Variants in TTC19 observed in about 807,000 individuals in gnomAD.
TTC19 encodes tetratricopeptide repeat protein 19, mitochondrial.
In TTC19, 38 loss-of-function variants were observed where a neutral mutation model predicts 49.5. The ratio of observed to expected loss-of-function variants is 0.77; its 90% CI spans 0.59 to 1.01. The LOEUF (loss-of-function observed/expected upper bound fraction) is 1.01, where lower values mean the gene tolerates loss of function less well. TTC19 is among the 50% of genes least tolerant of loss of function. The pLI is 0.00. For synonymous variants in TTC19, 204 were observed against 185.2 expected (o/e 1.10, Z -0.83); for missense variants, 475 against 477.7 (o/e 0.99, Z 0.05).
At chr17:16,021,125 C>T (rs1418968574) in intron 7 of TTC19, among the ~76,000 whole-genome samples, 4 of 152,138 alleles carry the variant, frequency 2.6e-5, no homozygotes, top group African/African-American at 7.2e-5. Flanking sequence ...CAGTGGCTCA[C>T]GCCTGTAATC....
In TTC19 at chr17:16,011,204, G is replaced by A. The variant is rs1487820651; in HGVS notation, c.676+4636G>A. The stretch of plus-strand genomic sequence containing the variant: ...TTTTTGTTTTTGTTTTTGTTGAGAC[G>A]GAGTCTCACTCTGTCACCCAGGCTG... On this transcript the variant is annotated intron_variant, in intron 7 of 9. Transcript: ENST00000261647. Among the ~76,000 whole-genome samples the A allele has an allele frequency of 2.0e-5, 3 of 151,900 alleles. No homozygotes were observed. In the East Asian group the frequency reaches 5.8e-4, roughly 29 times the overall value.
chr17:16,041,888 C>T (rs1015289674), intron 2 of TTC19, among the ~76,000 whole-genome samples: 1 of 152,180 alleles, frequency 6.6e-6, no homozygotes, highest in Non-Finnish European at 1.5e-5. Flanking sequence ...AGGCGCCCGC[C>T]ACTATGCCTG....
At chr17:16,034,623 G>A (rs1015410214) in intron 2 of TTC19, 36 of 768,854 alleles carry the variant, frequency 4.7e-5, no homozygotes, top group South Asian at 6.3e-5. Flanking sequence ...ACTTCTATTC[G>A]GGAAAGTGGA....
intron 2 of TTC19, chr17:16,039,667 C>T: frequency 1.2e-6 from 2 of 1,605,552 alleles, no homozygotes; most frequent in South Asian, 2.2e-5. Flanking sequence ...GAAAGAGAAT[C>T]AAAAACATTT....
chr17:16,025,168 A>T lies in TTC19; in HGVS notation c.828A>T (p.Pro276=), dbSNP rs1410549411. ...AAGAAATACAAGGAGAAAGACACCCACAGGTAAGGGAGGAAAACACAGAAG... is the reference window on the plus strand; with the variant it reads ...AAGAAATACAAGGAGAAAGACACCCTCAGGTAAGGGAGGAAAACACAGAAG... ...ISEEIQGERH[P]QTIVLMSDLA... is the part of the protein sequence containing the mutation. Residue 276 remains proline, a synonymous_variant, in exon 8 of 10, where the codon CCA becomes CCT. Coordinates refer to ENST00000261647, the MANE Select transcript of TTC19 (RefSeq NM_017775.4). 5 of 1,613,522 alleles carry T rather than the reference A, an allele frequency of 3.1e-6. No homozygotes were observed. Among genetic ancestry groups the T allele is most frequent in the African/African-American group, 1.3e-5 (1 of 74,920 alleles).
Position 16,003,724 on chromosome 17 carries a change from G to C in TTC19, c.463-107G>C, listed in dbSNP as rs1024022981. The C allele has an allele frequency of 2.9e-6, 3 of 1,046,342 alleles. No individual in the cohort carries two copies. The Admixed American group carries it at 6.1e-5, about 21-fold the overall frequency. The allele number at this position is 1,046,342 out of a possible 1,614,324, so 64.8% of individuals were successfully genotyped here. The stretch of plus-strand genomic sequence containing the variant: ...AGTGTGCGTGTGTGTGGGTATATGG[G>C]TTTTACAAGGAATGTTGCATCAGAC... On this transcript the variant is annotated intron_variant, in intron 4 of 9. Transcript: ENST00000261647.
chr17:16,002,576 C>T (rs1247075765), intron 3 of TTC19: 4 of 583,394 alleles, frequency 6.9e-6, no homozygotes, highest in East Asian at 5.9e-5. Context: ...GATGAGTGGA[C>T]CTAGATTTGG....
rs3744328 is a variant in TTC19, at chr17:16,027,568, T to G, written c.*46T>G. ...AATAATGTCTAGTAATGTGGAAGAATAGCTATCATTCCTGTCTCTGTGGCA... is the reference window on the plus strand; with the variant it reads ...AATAATGTCTAGTAATGTGGAAGAAGAGCTATCATTCCTGTCTCTGTGGCA... On this transcript the variant is annotated 3_prime_UTR_variant, in exon 10 of 10. Transcript: ENST00000261647. 1 of 1,603,038 alleles carries G rather than the reference T, an allele frequency of 6.2e-7. No individual in the cohort carries two copies. The highest frequency in any genetic ancestry group is 1.7e-5 in the Admixed American group (1 of 59,968).
chr17:16,028,846 A>AAAAAAAAAAAC lies in TTC19; in HGVS notation c.*1324_*1325insAAAAAAAAAAC. ...AAAAAAAAAAAAAAAAAAAAAAAAAACTTTCTGAAGAAAATAAAAACACCA... is the reference window on the plus strand; with the variant it reads ...AAAAAAAAAAAAAAAAAAAAAAAAAAAAAAAAAAAACCTTTCTGAAGAAAATAAAAACACCA... On this transcript the variant is annotated 3_prime_UTR_variant, in exon 10 of 10. Coordinates refer to ENST00000261647, the MANE Select transcript of TTC19 (RefSeq NM_017775.4). The AAAAAAAAAAAC allele has an allele frequency of 5.6e-6, 2 of 354,030 alleles. No individual in the cohort carries two copies. 21.9% of individuals were successfully genotyped at this position (354,030 alleles called of 1,614,324 possible).
rs758258008 is a variant in TTC19 at position 16,040,228 on chromosome 17, C to A, written c.248-4275C>A. ...GACAGTGTTCTTTAATAGTTTCATTCTTTTTGTTCATTTATCTTTTCAATA... is the reference window on the plus strand; with the variant it reads ...GACAGTGTTCTTTAATAGTTTCATTATTTTTGTTCATTTATCTTTTCAATA... On this transcript the variant is annotated intron_variant, in intron 2 of 2. Coordinates refer to the TTC19 transcript ENST00000470649. The A allele has an allele frequency of 2.7e-5, 18 of 659,630 alleles. No homozygotes were observed. In the East Asian group the frequency reaches 5.0e-4, roughly 18 times the overall value. The allele number at this position is 659,630 out of a possible 1,614,324, so 40.9% of individuals were successfully genotyped here.
downstream of TTC19, chr17:16,032,619 C>G: frequency 1.3e-6 from 1 of 755,184 alleles, no homozygotes; most frequent in South Asian, 2.1e-5. Context: ...ATGAATACAA[C>G]ACGGAATGGC....
At chr17:16,003,157 T>A (rs1970792354) in intron 4 of TTC19, among the ~76,000 whole-genome samples, 1 of 152,198 alleles carries the variant, frequency 6.6e-6, no homozygotes, top group African/African-American at 2.4e-5. Flanking sequence ...TTATAAAACA[T>A]GATTAGAAGT....
chr17:16,004,108 C>A, intron 5 of TTC19, 93 bp from the exon 6 acceptor site: 2 of 1,315,000 alleles, frequency 1.5e-6, no homozygotes, highest in Non-Finnish European at 1.1e-6. Context: ...AAGACTGTGG[C>A]TTTGAGGCCA....
chr17:16,030,434 CTT>C (rs958835328), downstream of TTC19: 3 of 209,786 alleles, frequency 1.4e-5, no homozygotes, highest in Non-Finnish European at 2.9e-5. Context: ...ATCATAATCT[CTT>C]TTATGGTAGG....
At chr17:16,024,462 AT>A (rs71353766) in intron 7 of TTC19, 172 of 133,938 alleles carry the variant, frequency 1.3e-3, no homozygotes, top group South Asian at 1.9e-3. Flanking sequence ...CGCCTGGCTA[AT>A]TTTTTTTTTT....
chr17:16,011,541 C>T (rs1427952953), intron 7 of TTC19, among the ~76,000 whole-genome samples: 1 of 152,164 alleles, frequency 6.6e-6, no homozygotes, highest in Non-Finnish European at 1.5e-5. Flanking sequence ...AGAGGAATGC[C>T]TGTGTTCAGT....
At position 16,002,151 on chromosome 17, in the gene TTC19, T is replaced by C. The variant is rs922743639; in HGVS notation, c.423+126T>C. The C allele has an allele frequency of 4.0e-6, 3 of 749,150 alleles. No homozygotes were observed. In the African/African-American group the frequency reaches 5.2e-5, roughly 13 times the overall value. 46.4% of individuals were successfully genotyped at this position (749,150 alleles called of 1,614,324 possible). On this transcript the variant is annotated intron_variant, in intron 3 of 9. Transcript: ENST00000261647. ...TAAAACTCCTTTTCTTTTTACTGAG[T>C]TTTCTTTTGGCTTCAGTTTCATTTT...
At chr17:16,013,224 G>C (rs1971123327) in intron 7 of TTC19, among the ~76,000 whole-genome samples, 3 of 152,112 alleles carry the variant, frequency 2.0e-5, no homozygotes, top group Admixed American at 2.0e-4. Flanking sequence ...TTATACAAAT[G>C]AATCATAATA....
chr17:16,002,530 C>CA (rs909639155), intron 3 of TTC19: 49 of 499,766 alleles, frequency 9.8e-5, no homozygotes, highest in Non-Finnish European at 1.2e-4. Context: ...AATTCCAGAC[C>CA]AAAAAAAACC....
Sources: allele counts gnomAD v4.1 joint callset (sites outside exome capture counted in the v4.1 genomes callset), GRCh38; gene constraint gnomAD v4.1.1; transcripts MANE v1.5; gene names NCBI Gene and HGNC (gene_info 2026-07-23, HGNC 2026-07-21).